BCAT1: variants seen among roughly 807,000 people sequenced by gnomAD.
BCAT1 encodes branched chain amino acid transaminase 1, also known as branched-chain-amino-acid aminotransferase, cytosolic.
Under a neutral mutation model 52.4 loss-of-function variants are expected in BCAT1, and 48 were observed. The ratio of observed to expected loss-of-function variants is 0.92; its 90% CI spans 0.73 to 1.16. The LOEUF (loss-of-function observed/expected upper bound fraction) is 1.16. Ranked by LOEUF, BCAT1 falls within the 50% of genes most tolerant of loss-of-function variation. BCAT1 has a pLI of 0.00. For missense variants in BCAT1, 451 were observed against 457.1 expected, an observed-to-expected ratio of 0.99 and a Z score of 0.12; for synonymous variants, 167 against 161.3, an observed-to-expected ratio of 1.04 and a Z score of -0.27.
intron 1 of BCAT1, among the ~76,000 whole-genome samples, chr12:24,934,028 G>A (rs985428613): frequency 6.6e-6 from 1 of 152,128 alleles, no homozygotes; most frequent in South Asian, 2.1e-4. Context: ...AGGGAAAATG[G>A]AGCCGCCATC....
intron 7 of BCAT1, among the ~76,000 whole-genome samples, chr12:24,838,354 TG>T (rs981605579): frequency 9.2e-5 from 14 of 152,180 alleles, no homozygotes; most frequent in African/African-American, 3.4e-4. Flanking sequence ...TGCTGAAAAT[TG>T]CTTTCTGGAA....
intron 10 of BCAT1, among the ~76,000 whole-genome samples, chr12:24,819,876 C>T (rs1476261839): frequency 6.6e-6 from 1 of 152,188 alleles, no homozygotes; most frequent in Non-Finnish European, 1.5e-5. Context: ...GACTCTGTTG[C>T]TTCATGATGA....
intron 1 of BCAT1, among the ~76,000 whole-genome samples, chr12:24,933,667 G>C (rs912312257): frequency 2.0e-5 from 3 of 152,120 alleles, no homozygotes; most frequent in African/African-American, 7.2e-5. Context: ...ATATACCCCA[G>C]GTTCATCCTC....
intron 5 of BCAT1, among the ~76,000 whole-genome samples, chr12:24,872,841 C>T (rs960008765): frequency 1.3e-5 from 2 of 152,218 alleles, no homozygotes; most frequent in African/African-American, 2.4e-5. Context: ...AGTATTGTCT[C>T]ACTCTACCAC....
intron 10 of BCAT1, among the ~76,000 whole-genome samples, chr12:24,826,168 T>C (rs907301552): frequency 1.3e-5 from 2 of 152,206 alleles, no homozygotes; most frequent in African/African-American, 4.8e-5. Flanking sequence ...GCCAGGTTCA[T>C]GCCACTACAC....
Position 24,911,099 on chromosome 12 carries a change from T to TAA in BCAT1, c.7-9216_7-9215dup, listed in dbSNP as rs752444346. On this transcript the variant is annotated intron_variant, in intron 1 of 10. Coordinates refer to ENST00000261192, the MANE Select transcript of BCAT1 (RefSeq NM_005504.7). The stretch of plus-strand genomic sequence containing the variant: ...GCCTGGTGACAGAGTGAGACTGTCT[T>TAA]AAAAAAAAAAAAAAATTGAAAAAAT... Among the ~76,000 whole-genome samples, 480 of 140,736 alleles carry TAA rather than the reference T, an allele frequency of 3.4e-3. 2 individuals carry two copies. The highest frequency in any genetic ancestry group is 0.012 in the African/African-American group (463 of 38,438). 92.3% of individuals were successfully genotyped at this position (140,736 alleles called of 152,430 possible).
intron 1 of BCAT1, among the ~76,000 whole-genome samples, chr12:24,943,493 GAAAAA>G (rs4031153): frequency 4.6e-4 from 27 of 58,554 alleles, no homozygotes; most frequent in East Asian, 3.0e-3. Context: ...ACCCTATCTG[GAAAAA>G]AAAAAAAAAA....
At position 24,866,746 on chromosome 12, in the gene BCAT1, A is replaced by T. The variant is rs1443748468; in HGVS notation, c.510+11784T>A. On this transcript the variant is annotated intron_variant, in intron 5 of 10. Transcript: ENST00000261192. ...AGCTAATCCAGTGGGGAGGTGGAGAACTTTTGTGTCTAGCTCAGGGATTGT... is the reference window on the plus strand; with the variant it reads ...AGCTAATCCAGTGGGGAGGTGGAGATCTTTTGTGTCTAGCTCAGGGATTGT... 2.0e-5 allele frequency among the ~76,000 whole-genome samples: 3 copies of T among 152,136 alleles called. No individual in the cohort carries two copies. The East Asian group carries it at 5.8e-4, about 29-fold the overall frequency.
intron 5 of BCAT1, among the ~76,000 whole-genome samples, chr12:24,871,517 C>T (rs761664338): frequency 2.0e-5 from 3 of 152,094 alleles, no homozygotes; most frequent in Middle Eastern, 3.4e-3. Flanking sequence ...GTATAAAAAG[C>T]GATGAGATTT....
chr12:24,935,095 G>A (rs1007419644), intron 1 of BCAT1, among the ~76,000 whole-genome samples: 1 of 152,200 alleles, frequency 6.6e-6, no homozygotes. Context: ...TGCCCAAGGT[G>A]AAATGGATGT....
intron 1 of BCAT1, chr12:24,902,729 G>A (rs1302559747): frequency 1.4e-6 from 1 of 692,694 alleles, no homozygotes; most frequent in Non-Finnish European, 2.3e-6. Flanking sequence ...CTAGACCTGG[G>A]CAGCGGGAAC....
At chr12:24,842,272 C>A in intron 6 of BCAT1, 48 bp from the exon 7 acceptor site, 1 of 1,595,294 alleles carries the variant, frequency 6.3e-7, no homozygotes, top group Non-Finnish European at 8.6e-7. Flanking sequence ...TTCATCCCCA[C>A]TCCCTCATCT....
intron 6 of BCAT1, among the ~76,000 whole-genome samples, chr12:24,843,297 T>C (rs893974696): frequency 2.6e-5 from 4 of 152,128 alleles, no homozygotes; most frequent in African/African-American, 9.7e-5. Context: ...ATTTGTACTG[T>C]TGTCTAAATA....
intron 1 of BCAT1, among the ~76,000 whole-genome samples, chr12:24,908,336 TGCCAGGTA>T (rs1943259187): frequency 6.6e-6 from 1 of 152,266 alleles, no homozygotes; most frequent in Non-Finnish European, 1.5e-5. Context: ...GTTCTATATC[TGCCAGGTA>T]GCCACTAAGC....
At chr12:24,832,066 T>G (rs905998506) in intron 9 of BCAT1, among the ~76,000 whole-genome samples, 2 of 152,218 alleles carry the variant, frequency 1.3e-5, no homozygotes, top group African/African-American at 4.8e-5. Context: ...ATCAAGGGAT[T>G]GACCACTCGA....
Position 24,817,310 on chromosome 12 carries a change from A to G in BCAT1, c.*698T>C, listed in dbSNP as rs571978807. Reference sequence around the variant, plus strand: ...ACTGAGTACCTACTATATGTCAGCCATGGGGGATACAAAGATCTATAAGGC... The same window carrying G: ...ACTGAGTACCTACTATATGTCAGCCGTGGGGGATACAAAGATCTATAAGGC... On this transcript the variant is annotated 3_prime_UTR_variant, in exon 11 of 11. Coordinates refer to ENST00000261192, the MANE Select transcript of BCAT1 (RefSeq NM_005504.7). 6.6e-6 allele frequency: 1 copy of G among 152,642 alleles called. No individual in the cohort carries two copies. Among genetic ancestry groups the G allele is most frequent in the Non-Finnish European group, 1.5e-5 (1 of 68,060 alleles). 9.5% of individuals were successfully genotyped at this position (152,642 alleles called of 1,614,324 possible).
intron 1 of BCAT1, chr12:24,903,774 T>C (rs910523672): frequency 6.6e-6 from 1 of 152,196 alleles, no homozygotes; most frequent in Admixed American, 6.5e-5. Context: ...GGAAAAGTGA[T>C]GTTAGAAGTA....
At chr12:24,891,926 T>C (rs1373245768) in intron 3 of BCAT1, among the ~76,000 whole-genome samples, 1 of 151,474 alleles carries the variant, frequency 6.6e-6, no homozygotes, top group Admixed American at 6.6e-5. Flanking sequence ...TTTTTTTTTT[T>C]TTTTCTATTT....
chr12:24,831,443 G>A lies in BCAT1; in HGVS notation c.1044+1280C>T, dbSNP rs537687782. Among the ~76,000 whole-genome samples the A allele has an allele frequency of 2.6e-5, 4 of 152,208 alleles. No individual in the cohort carries two copies. The Middle Eastern group carries it at 0.01, about 388-fold the overall frequency. On this transcript the variant is annotated intron_variant, in intron 9 of 10. Coordinates refer to ENST00000261192, the MANE Select transcript of BCAT1 (RefSeq NM_005504.7). ...GCAGGTGAATCACTTGAACTCAAGA[G>A]TTTGAGACCAGCCTGTGAAACATCT...
Sources: gnomAD v4.1 joint callset for allele counts (sites outside exome capture counted in the v4.1 genomes callset) on GRCh38, gnomAD v4.1.1 for gene constraint, MANE v1.5 for transcripts, NCBI Gene and HGNC (gene_info 2026-07-23, HGNC 2026-07-21) for gene names.